Variants in FOXJ3 observed in about 807,000 individuals in gnomAD.
The protein encoded by FOXJ3 is forkhead box protein J3.
A neutral mutation model predicts 76.1 loss-of-function variants in FOXJ3; 22 were observed. The ratio of observed to expected loss-of-function variants is 0.29; its 90% confidence interval spans 0.21 to 0.41. The LOEUF is 0.41. FOXJ3 is among the 10% of genes least tolerant of loss of function. FOXJ3 has a pLI of 1.00. For missense variants in FOXJ3, 613 were observed against 762.1 expected (o/e 0.80, Z 2.30); for synonymous variants, 269 against 261.2 (o/e 1.03, Z -0.29).
chr1:42,181,876 C>CAT (rs925673225), intron 12 of FOXJ3, 41 bp downstream of exon 12: 1 of 1,328,782 alleles, frequency 7.5e-7, no homozygotes, highest in East Asian at 2.3e-5. Flanking sequence ...CACACACACA[C>CAT]ACACACACAC....
At chr1:42,254,281 G>C (rs1036105141) in intron 4 of FOXJ3, among the ~76,000 whole-genome samples, 2 of 148,512 alleles carry the variant, frequency 1.3e-5, no homozygotes, top group African/African-American at 4.9e-5. Flanking sequence ...TCTCACACCA[G>C]TTAGAATGGC....
intron 9 of FOXJ3, among the ~76,000 whole-genome samples, chr1:42,190,552 G>A (rs1237069651): frequency 6.6e-6 from 1 of 152,176 alleles, no homozygotes; most frequent in African/African-American, 2.4e-5. Context: ...CATGGATAAG[G>A]AAACCAAGGT....
intron 1 of FOXJ3, 187 bp downstream of exon 1, chr1:42,334,872 C>T (rs1272734964): frequency 6.6e-6 from 1 of 152,220 alleles, no homozygotes. Context: ...CAGCCCTCGG[C>T]GTCCGCCAGG....
intron 1 of FOXJ3, among the ~76,000 whole-genome samples, chr1:42,330,520 C>T (rs1656096018): frequency 6.6e-6 from 1 of 152,050 alleles, no homozygotes; most frequent in Non-Finnish European, 1.5e-5. Flanking sequence ...CACCTGTAGT[C>T]CCAGCTACTT....
intron 2 of FOXJ3, among the ~76,000 whole-genome samples, chr1:42,282,629 C>T (rs1393761914): frequency 6.6e-6 from 1 of 152,098 alleles, no homozygotes; most frequent in Non-Finnish European, 1.5e-5. Flanking sequence ...GTGCCAGGTA[C>T]AAATTATCTG....
At chr1:42,298,022 G>A (rs1383368132) in intron 2 of FOXJ3, among the ~76,000 whole-genome samples, 3 of 152,058 alleles carry the variant, frequency 2.0e-5, no homozygotes, top group Admixed American at 2.0e-4. Context: ...TGTCATGGGA[G>A]GGTTCAGTGG....
intron 4 of FOXJ3, among the ~76,000 whole-genome samples, chr1:42,244,515 T>C (rs1649388903): frequency 6.6e-6 from 1 of 151,970 alleles, no homozygotes. Context: ...AGACCTTGAA[T>C]CTAAAAAAAT....
chr1:42,316,084 G>A (rs1021983754), intron 1 of FOXJ3, among the ~76,000 whole-genome samples: 25 of 152,280 alleles, frequency 1.6e-4, no homozygotes, highest in Non-Finnish European at 7.4e-5. Flanking sequence ...AGCAGCCATC[G>A]CAACACACTA....
rs1174223990 is a variant in FOXJ3, at chr1:42,181,945, T to C, written c.1725A>G (p.Ala575=). 3.7e-6 allele frequency: 6 copies of C among 1,612,770 alleles called. No individual in the cohort carries two copies. The highest frequency in any genetic ancestry group is 2.2e-5 in the East Asian group (1 of 44,872). Residue 575 remains alanine (A), a synonymous_variant, in exon 12 of 13, where the codon GCA becomes GCG. Transcript: ENST00000361346. The stretch of plus-strand genomic sequence containing the variant: ...CCATCGTTGTTCCTGGAGTGCTGAG[T>C]GCCTGTGGGATATGAGGATAACCAG... The part of the protein sequence containing the change: ...PPPGYPHIPQ[A]LSTPGTTMAG...
intron 5 of FOXJ3, among the ~76,000 whole-genome samples, chr1:42,212,817 A>G (rs927551987): frequency 2.6e-5 from 4 of 152,102 alleles, no homozygotes; most frequent in African/African-American, 7.2e-5. Context: ...GCAGTTAGAC[A>G]AAAGCATCAG....
intron 11 of FOXJ3, among the ~76,000 whole-genome samples, chr1:42,182,812 T>C (rs1226060735): frequency 6.6e-6 from 1 of 152,102 alleles, no homozygotes; most frequent in Non-Finnish European, 1.5e-5. Context: ...ATGGACTCTT[T>C]CTACATCACC....
intron 2 of FOXJ3, among the ~76,000 whole-genome samples, chr1:42,295,185 T>C (rs1238720102): frequency 6.6e-6 from 1 of 152,154 alleles, no homozygotes; most frequent in African/African-American, 2.4e-5. Context: ...ATACCCAACA[T>C]GTAATTTTTC....
chr1:42,316,548 C>T (rs1380649573), intron 1 of FOXJ3, among the ~76,000 whole-genome samples: 1 of 151,924 alleles, frequency 6.6e-6, no homozygotes, highest in Non-Finnish European at 1.5e-5. Flanking sequence ...AAACTTACTA[C>T]CATTCATGAC....
At chr1:42,314,018 ACTTC>A in intron 1 of FOXJ3, among the ~76,000 whole-genome samples, 1 of 152,302 alleles carries the variant, frequency 6.6e-6, no homozygotes, top group South Asian at 2.1e-4. Context: ...CTCTTAATAT[ACTTC>A]CTTCCTGGAT....
At chr1:42,187,688 GAGAC>G (rs1646465717) in intron 11 of FOXJ3, among the ~76,000 whole-genome samples, 1 of 152,080 alleles carries the variant, frequency 6.6e-6, no homozygotes, top group Non-Finnish European at 1.5e-5. Flanking sequence ...GAGAGAGAGA[GAGAC>G]AAAGAAGCTA....
intron 1 of FOXJ3, among the ~76,000 whole-genome samples, chr1:42,322,817 A>G (rs1655509821): frequency 6.6e-6 from 1 of 152,188 alleles, no homozygotes; most frequent in Admixed American, 6.5e-5. Flanking sequence ...GCTGCTAAAA[A>G]GAAACAAAAT....
At chr1:42,322,612 ATAAT>A (rs1408783563) in intron 1 of FOXJ3, among the ~76,000 whole-genome samples, 2 of 152,084 alleles carry the variant, frequency 1.3e-5, no homozygotes, top group African/African-American at 4.8e-5. Context: ...ATACCAATGG[ATAAT>A]TAATTTTTTT....
chr1:42,254,653 C>T (rs1168083966), intron 4 of FOXJ3, among the ~76,000 whole-genome samples: 6 of 145,262 alleles, frequency 4.1e-5, no homozygotes, highest in African/African-American at 7.6e-5. Flanking sequence ...GATGAGTTCA[C>T]GTCCTTTGTA....
At chr1:42,319,803 G>C (rs1184384139) in intron 1 of FOXJ3, among the ~76,000 whole-genome samples, 1 of 152,130 alleles carries the variant, frequency 6.6e-6, no homozygotes. Flanking sequence ...AGCTGGAACA[G>C]GAAAGGGTGA....
Sources: gnomAD v4.1 joint callset for allele counts (sites outside exome capture counted in the v4.1 genomes callset) on GRCh38, gnomAD v4.1.1 for gene constraint, MANE v1.5 for transcripts, NCBI Gene and HGNC (gene_info 2026-07-23, HGNC 2026-07-21) for gene names.